STK31: variants seen among roughly 807,000 people sequenced by gnomAD.
STK31 encodes serine/threonine kinase 31.
STK31 carries 89 observed loss-of-function variants against 129.7 expected under a neutral mutation model. That is an observed-to-expected ratio of 0.69 (90% CI 0.58 to 0.82). The LOEUF is 0.82. STK31 is among the 40% of genes least tolerant of loss of function. The pLI is 0.00. For missense variants in STK31, 1,187 were observed against 1,176.4 expected (o/e 1.01, Z -0.13); for synonymous variants, 448 against 395.3 (o/e 1.13, Z -1.58).
intron 23 of STK31, among the ~76,000 whole-genome samples, chr7:23,824,024 G>C (rs1793953677): frequency 1.3e-5 from 2 of 152,168 alleles, no homozygotes; most frequent in African/African-American, 4.8e-5. Context: ...TTTGAAGTCA[G>C]GTAGCGTGAT....
At chr7:23,803,487 T>C in intron 22 of STK31, among the ~76,000 whole-genome samples, 1 of 152,200 alleles carries the variant, frequency 6.6e-6, no homozygotes, top group Non-Finnish European at 1.5e-5. Context: ...GAGATCCAGA[T>C]TAAATGAAGT....
intron 6 of STK31, among the ~76,000 whole-genome samples, chr7:23,733,483 T>C (rs1009809195): frequency 6.6e-6 from 1 of 151,708 alleles, no homozygotes; most frequent in Admixed American, 6.6e-5. Context: ...GATGCATCCT[T>C]GTAGGCCCAG....
intron 23 of STK31, among the ~76,000 whole-genome samples, chr7:23,820,786 G>A (rs1793745891): frequency 1.3e-5 from 2 of 152,138 alleles, no homozygotes; most frequent in Non-Finnish European, 2.9e-5. Context: ...TTGTCTTTCT[G>A]TGCCTGGCTT....
Position 23,735,766 on chromosome 7 carries a change from A to G in STK31, c.712A>G (p.Ser238Gly). 2 of 1,614,174 alleles carry G rather than the reference A, an allele frequency of 1.2e-6. No individual in the cohort carries two copies. Among genetic ancestry groups the G allele is most frequent in the Non-Finnish European group, 1.7e-6 (2 of 1,180,030 alleles). ...TCAACTTGTTCTCAGGAACCTCAAA[A>G]GCCCCATTCCTTTGTGGGGGCATAG... ...PGQLVLRNLKSPIPLWGHRSN... is the reference protein window; with the variant it reads ...PGQLVLRNLKGPIPLWGHRSN... Residue 238 changes from serine (S) to glycine (G), a missense_variant, in exon 7 of 24, where the codon AGC becomes GGC. By Grantham distance (56) the Ser-to-Gly change is moderately conservative. Coordinates refer to ENST00000355870, the MANE Select transcript of STK31 (RefSeq NM_031414.5).
chr7:23,746,166 G>C (rs535327282), intron 8 of STK31, among the ~76,000 whole-genome samples: 9 of 152,270 alleles, frequency 5.9e-5, no homozygotes, highest in African/African-American at 2.2e-4. Flanking sequence ...CTTAGGATTG[G>C]GGGGTGGGTG....
chr7:23,818,744 C>A (rs191055424), intron 23 of STK31, among the ~76,000 whole-genome samples: 1 of 152,252 alleles, frequency 6.6e-6, no homozygotes, highest in Non-Finnish European at 1.5e-5. Flanking sequence ...CGTGCCTCAG[C>A]CTCCCGAGTA....
At chr7:23,797,155 C>T (rs1171011624) in intron 22 of STK31, among the ~76,000 whole-genome samples, 1 of 152,106 alleles carries the variant, frequency 6.6e-6, no homozygotes, top group Non-Finnish European at 1.5e-5. Flanking sequence ...GACTCCCACA[C>T]AATAATAGTG....
In STK31 at chr7:23,731,464, A is replaced by G. The variant is rs552262973; in HGVS notation, c.483+2215A>G. Among the ~76,000 whole-genome samples, 8 of 152,332 alleles carry G rather than the reference A, an allele frequency of 5.3e-5. No homozygotes were observed. The East Asian group carries it at 1.5e-3, about 29-fold the overall frequency. On this transcript the variant is annotated intron_variant, in intron 6 of 23. Coordinates refer to ENST00000355870, the MANE Select transcript of STK31 (RefSeq NM_031414.5). The stretch of plus-strand genomic sequence containing the variant: ...CCCCTACAAGCTTAGTGAGTTTGGT[A>G]GAGATAAGTATTCACTTTTCTGTGC...
At chr7:23,732,731 A>G (rs953848657) in intron 6 of STK31, among the ~76,000 whole-genome samples, 5 of 152,198 alleles carry the variant, frequency 3.3e-5, no homozygotes, top group African/African-American at 7.2e-5. Context: ...ACAATAGGTT[A>G]TTTCCATTTG....
intron 21 of STK31, among the ~76,000 whole-genome samples, chr7:23,788,568 C>T (rs1791435735): frequency 1.3e-5 from 2 of 151,984 alleles, no homozygotes; most frequent in South Asian, 4.2e-4. Context: ...AGTTTAAATC[C>T]TGATTCACCT....
chr7:23,733,393 CTTT>C (rs36053082), intron 6 of STK31, among the ~76,000 whole-genome samples: 13 of 125,742 alleles, frequency 1.0e-4, no homozygotes, highest in Non-Finnish European at 8.6e-5. Context: ...CTAAAAAATT[CTTT>C]TTTTTTTTTT....
rs151049484 is a variant in STK31 at position 23,769,061 on chromosome 7, C to G, written c.1483C>G (p.Leu495Val). ...AKEGANSDEI[L>V]KKFYDWKCDK... The stretch of plus-strand genomic sequence containing the variant: ...AGAAGGAGCAAATTCTGATGAAATA[C>G]TTAAAAAATTTTATGACTGGAAGTG... The change falls in exon 12 of 24, where the codon CTT (leucine) becomes GTT (valine). Residue 495 changes from leucine to valine, a missense_variant. By Grantham distance (32) the Leu-to-Val change is conservative. Around this residue, in one of 5 missense-constraint regions of STK31, gnomAD observed 975 missense variants for 934.9 expected, o/e 1.04. Coordinates refer to ENST00000355870, the MANE Select transcript of STK31 (RefSeq NM_031414.5). The G allele has an allele frequency of 5.9e-5, 95 of 1,612,922 alleles. 2 individuals carry two copies. The highest frequency in any genetic ancestry group is 1.0e-5 in the Non-Finnish European group (12 of 1,179,358).
intron 8 of STK31, among the ~76,000 whole-genome samples, chr7:23,743,743 C>T (rs533872738): frequency 6.6e-6 from 1 of 151,968 alleles, no homozygotes; most frequent in East Asian, 1.9e-4. Context: ...CTTTTTTTCT[C>T]TTTTTCTGTG....
intron 14 of STK31, 89 bp downstream of exon 14, chr7:23,771,213 G>T (rs1790170682): frequency 1.6e-6 from 2 of 1,238,476 alleles, no homozygotes; most frequent in Non-Finnish European, 2.1e-6. Context: ...TTAATACTCA[G>T]TGTCAGTAAA....
chr7:23,729,398 TTATG>T (rs1787265344), intron 6 of STK31, 149 bp downstream of exon 6: 4 of 683,252 alleles, frequency 5.9e-6, no homozygotes, highest in Non-Finnish European at 9.0e-6. Flanking sequence ...AATTATATAT[TTATG>T]CTCATCTTTG....
At chr7:23,736,665 A>G (rs935788960) in intron 7 of STK31, among the ~76,000 whole-genome samples, 2 of 152,126 alleles carry the variant, frequency 1.3e-5, no homozygotes, top group South Asian at 4.1e-4. Context: ...TGATAGTGCT[A>G]TGAAGAAGTT....
intron 4 of STK31, among the ~76,000 whole-genome samples, chr7:23,718,227 C>T (rs1480831274): frequency 2.6e-5 from 4 of 152,100 alleles, no homozygotes; most frequent in African/African-American, 9.7e-5. Flanking sequence ...CTGTATTAAG[C>T]ATTAAGTAAG....
In STK31 at chr7:23,815,110, T is replaced by C. The variant is rs376607593; in HGVS notation, c.2761-34T>C. 1.2e-4 allele frequency: 181 copies of C among 1,519,708 alleles called. No individual in the cohort carries two copies. The African/African-American group carries it at 2.1e-3, about 18-fold the overall frequency. 94.1% of individuals were successfully genotyped at this position (1,519,708 alleles called of 1,614,324 possible). The stretch of plus-strand genomic sequence containing the variant: ...TTCTATAGATTGGCGTATTAATACA[T>C]TGGACATTTATTCATTCTTACTTTC... On this transcript the variant is annotated intron_variant, in intron 22 of 23. Transcript: ENST00000355870.
chr7:23,714,658 T>C (rs544431299), intron 3 of STK31, among the ~76,000 whole-genome samples: 1 of 152,360 alleles, frequency 6.6e-6, no homozygotes, highest in South Asian at 2.1e-4. Context: ...CATATCTCCT[T>C]AGACTAGCCA....
Sources: allele counts gnomAD v4.1 joint callset (sites outside exome capture counted in the v4.1 genomes callset), GRCh38; gene constraint gnomAD v4.1.1; regional missense constraint gnomAD v4.1.1; transcripts MANE v1.5; gene names NCBI Gene and HGNC (gene_info 2026-07-23, HGNC 2026-07-21).